The following DUSP23 variants were observed in gnomAD, a reference collection of about 807,000 sequenced individuals.
The protein encoded by DUSP23 is dual specificity protein phosphatase 23.
In DUSP23, 10 loss-of-function variants were observed where a neutral mutation model predicts 13.3. The observed-to-expected ratio is 0.75, with a 90% confidence interval of 0.46 to 1.27. The LOEUF (loss-of-function observed/expected upper bound fraction) is 1.27. DUSP23 is among the 50% of genes most tolerant of loss of function. The probability of loss-of-function intolerance (pLI) is 0.00; values close to 1 mark genes in which losing one functional copy is unlikely to be tolerated. For synonymous variants in DUSP23, 107 were observed against 95.3 expected, an observed-to-expected ratio of 1.12 and a Z score of -0.72; for missense variants, 228 against 204.8, an observed-to-expected ratio of 1.11 and a Z score of -0.69.
At chr1:159,781,973 C>G (rs1172095788) in intron 1 of DUSP23, among the ~76,000 whole-genome samples, 180 bp from the exon 2 acceptor site, 1 of 152,182 alleles carries the variant, frequency 6.6e-6, no homozygotes, top group African/African-American at 2.4e-5. Flanking sequence ...GTGGACAGCT[C>G]TTGAACCAGC....
At chr1:159,781,419 G>C in intron 1 of DUSP23, 52 bp downstream of exon 1, 1 of 1,446,054 alleles carries the variant, frequency 6.9e-7, no homozygotes, top group Non-Finnish European at 9.1e-7. Flanking sequence ...GGTCAGCGGG[G>C]GACACGGGCG....
In DUSP23 at chr1:159,782,452, A is replaced by C; in HGVS notation, c.*114A>C. On this transcript the variant is annotated 3_prime_UTR_variant, in exon 2 of 2. Coordinates refer to ENST00000368107, the MANE Select transcript of DUSP23 (RefSeq NM_001319658.2). ...TAAACCCTCTAGCTCCCATTGGCTG[A>C]AGACACTGAAGTAGCCCACCCCTGC... The C allele has an allele frequency of 3.2e-6, 4 of 1,258,630 alleles. No individual in the cohort carries two copies. The highest frequency in any genetic ancestry group is 4.4e-6 in the Non-Finnish European group (4 of 911,750). The allele number at this position is 1,258,630 out of a possible 1,614,324, so 78.0% of individuals were successfully genotyped here. A position where few individuals can be genotyped will look rare whatever the true frequency, so the allele number is the denominator to read the frequency against.
At position 159,781,077 on chromosome 1, in the gene DUSP23, G is replaced by C. The variant is rs1193425298; in HGVS notation, c.-24G>C. On this transcript the variant is annotated 5_prime_UTR_variant, in exon 1 of 2. Coordinates refer to ENST00000368107, the MANE Select transcript of DUSP23 (RefSeq NM_001319658.2). ...TGGCCAGCCTCGGCCCCCATGACCC[G>C]CTGTCCTGTGCCCTTTCCCAGCGAT... 1 of 1,532,440 alleles carries C rather than the reference G, an allele frequency of 6.5e-7. No individual in the cohort carries two copies. The highest frequency in any genetic ancestry group is 2.0e-5 in the Admixed American group (1 of 50,538). 94.9% of individuals were successfully genotyped at this position (1,532,440 alleles called of 1,614,324 possible). A position where few individuals can be genotyped will look rare whatever the true frequency, so the allele number is the denominator to read the frequency against.
In DUSP23 at chr1:159,782,318, T is replaced by C; in HGVS notation, c.433T>C (p.Phe145Leu). 1 of 1,613,108 alleles carries C rather than the reference T, an allele frequency of 6.2e-7. No homozygotes were observed. The highest frequency in any genetic ancestry group is 1.3e-5 in the African/African-American group (1 of 74,602). The change falls in exon 2 of 2, where the codon TTC becomes CTC. Residue 145 changes from phenylalanine to leucine, a missense_variant. Transcript: ENST00000368107. ...TYEQEKAVFQ[F>L]YQRTK ...TGAGCAGGAGAAAGCAGTCTTCCAG[T>C]TCTACCAGCGAACGAAATAAGGGGC...
rs771307415 is a variant in DUSP23 at position 159,782,292 on chromosome 1, A to G, written c.407A>G (p.Tyr136Cys). The change falls in exon 2 of 2, where the codon TAT becomes TGT. Residue 136 changes from tyrosine to cysteine, a missense_variant. Coordinates refer to ENST00000368107, the MANE Select transcript of DUSP23 (RefSeq NM_001319658.2). ...CTACGACCCGGCTCCATCGAGACCT[A>G]TGAGCAGGAGAAAGCAGTCTTCCAG... ...RRLRPGSIET[Y>C]EQEKAVFQFY... is the part of the protein sequence containing the mutation. The G allele has an allele frequency of 1.9e-6, 3 of 1,614,080 alleles. No individual in the cohort carries two copies. The highest frequency in any genetic ancestry group is 2.5e-6 in the Non-Finnish European group (3 of 1,180,006).
At position 159,781,145 on chromosome 1, in the gene DUSP23, G is replaced by T. The variant is rs778641124; in HGVS notation, c.45G>T (p.Arg15=). 3 of 1,548,754 alleles carry T rather than the reference G, an allele frequency of 1.9e-6. No individual in the cohort carries two copies. The East Asian group carries it at 7.3e-5, about 38-fold the overall frequency. The change falls in exon 1 of 2, where the codon CGG becomes CGT. Residue 15 remains arginine (R), a synonymous_variant. Transcript: ENST00000368107. ...PPNFSWVLPG[R]LAGLALPRLP... ...ACTTCTCCTGGGTGCTTCCGGGCCG[G>T]CTGGCGGGACTGGCGCTGCCGCGGC...
In DUSP23 at chr1:159,782,318, T is replaced by G. The variant is rs926446053; in HGVS notation, c.433T>G (p.Phe145Val). The change falls in exon 2 of 2, where the codon TTC (phenylalanine) becomes GTC (valine). Residue 145 changes from phenylalanine to valine, a missense_variant. Phe to Val is a conservative substitution (Grantham distance 50, BLOSUM62 -1). Coordinates refer to ENST00000368107, the MANE Select transcript of DUSP23 (RefSeq NM_001319658.2). ...TYEQEKAVFQ[F>V]YQRTK ...TGAGCAGGAGAAAGCAGTCTTCCAG[T>G]TCTACCAGCGAACGAAATAAGGGGC... 6.2e-7 allele frequency: 1 copy of G among 1,612,990 alleles called. No homozygotes were observed. Among genetic ancestry groups the G allele is most frequent in the Non-Finnish European group, 8.5e-7 (1 of 1,179,876 alleles).
At position 159,782,170 on chromosome 1, in the gene DUSP23, T is replaced by C. The variant is rs144974677; in HGVS notation, c.285T>C (p.Cys95=). 7 of 1,614,018 alleles carry C rather than the reference T, an allele frequency of 4.3e-6. No individual in the cohort carries two copies. The African/African-American group carries it at 9.3e-5, about 22-fold the overall frequency. ...NARGEAVGVH[C]ALGFGRTGTM... ...CTTCGTAGGCTGTGGGAGTGCACTG[T>C]GCTCTGGGCTTTGGCCGCACTGGCA... The change falls in exon 2 of 2, where the codon TGT becomes TGC. Residue 95 remains cysteine, a synonymous_variant. Transcript: ENST00000368107.
Position 159,781,165 on chromosome 1 carries a change from C to G in DUSP23, c.65C>G (p.Pro22Arg). Reference protein sequence around the residue: ...LPGRLAGLALPRLPAHYQFLL... With the variant: ...LPGRLAGLALRRLPAHYQFLL... ...GGCCGGCTGGCGGGACTGGCGCTGC[C>G]GCGGCTCCCCGCCCACTACCAGTTC... The change falls in exon 1 of 2, where the codon CCG becomes CGG. Residue 22 changes from proline (P) to arginine (R), a missense_variant. By Grantham distance (103) the Pro-to-Arg change is moderately radical (BLOSUM62 -2). Coordinates refer to ENST00000368107, the MANE Select transcript of DUSP23 (RefSeq NM_001319658.2). 2 of 1,549,034 alleles carry G rather than the reference C, an allele frequency of 1.3e-6. No individual in the cohort carries two copies. Among genetic ancestry groups the G allele is most frequent in the Non-Finnish European group, 1.7e-6 (2 of 1,146,536 alleles).
rs1006126451 is a variant in DUSP23 at position 159,781,024 on chromosome 1, G to A, written c.-77G>A. On this transcript the variant is annotated 5_prime_UTR_variant, in exon 1 of 2. Transcript: ENST00000368107. ...TGGTGAGTTACTTGGCTCGGAGCGG[G>A]CGAGGGGACGCGTGGGCGGAGCGGG... 5.5e-6 allele frequency: 8 copies of A among 1,454,850 alleles called. No homozygotes were observed. The highest frequency in any genetic ancestry group is 4.4e-5 in the African/African-American group (3 of 68,640). The allele number at this position is 1,454,850 out of a possible 1,614,324, so 90.1% of individuals were successfully genotyped here. A position where few individuals can be genotyped will look rare whatever the true frequency, so the allele number is the denominator to read the frequency against.
Position 159,781,347 on chromosome 1 carries a change from G to GT in DUSP23, c.247_248insT (p.Glu83ValfsTer42). 6.5e-7 allele frequency: 1 copy of GT among 1,530,248 alleles called. No homozygotes were observed. The highest frequency in any genetic ancestry group is 8.8e-7 in the Non-Finnish European group (1 of 1,136,726). The allele number at this position is 1,530,248 out of a possible 1,614,324, so 94.8% of individuals were successfully genotyped here. On this transcript the variant is annotated frameshift_variant, in exon 1 of 2. Coordinates refer to ENST00000368107, the MANE Select transcript of DUSP23 (RefSeq NM_001319658.2). LOFTEE classifies it high-confidence loss of function. ...CGACCGCTTCGTGCAGATCGTGGAC[G>GT]AGGCCAACGCACGGGGAGAGGTCAG... is the stretch of plus-strand genomic sequence containing the variant.
chr1:159,781,803 A>G (rs949252993), intron 1 of DUSP23, among the ~76,000 whole-genome samples: 1 of 152,222 alleles, frequency 6.6e-6, no homozygotes, highest in African/African-American at 2.4e-5. Flanking sequence ...GGTGATCTTA[A>G]TGAGATATTT....
In DUSP23 at chr1:159,781,249, G is replaced by C. The variant is rs201309161; in HGVS notation, c.149G>C (p.Ser50Thr). The change falls in exon 1 of 2, where the codon AGC becomes ACC. Residue 50 changes from serine to threonine, a missense_variant. Ser to Thr is a moderately conservative substitution (Grantham distance 58). Coordinates refer to ENST00000368107, the MANE Select transcript of DUSP23 (RefSeq NM_001319658.2). ...VSLTERGPPH[S>T]DSCPGLTLHR... ...CTGACGGAGCGCGGGCCCCCTCACA[G>C]CGACAGCTGCCCCGGCCTCACCCTG... 87 of 1,548,988 alleles carry C rather than the reference G, an allele frequency of 5.6e-5. No individual in the cohort carries two copies. In the East Asian group the frequency reaches 9.8e-4, roughly 17 times the overall value.
chr1:159,781,427 G>A, intron 1 of DUSP23, 60 bp downstream of exon 1: 2 of 1,445,054 alleles, frequency 1.4e-6, no homozygotes, highest in East Asian at 5.2e-5. Flanking sequence ...GGGGACACGG[G>A]CGGAGCTGGG....
chr1:159,781,322 C>T lies in DUSP23; in HGVS notation c.222C>T (p.Ile74=), dbSNP rs1180291828. 6.5e-6 allele frequency: 10 copies of T among 1,544,488 alleles called. No individual in the cohort carries two copies. In the South Asian group the frequency reaches 1.1e-4, roughly 17 times the overall value. Residue 74 remains isoleucine (I), a synonymous_variant, in exon 1 of 2, where the codon ATC becomes ATT. Transcript: ENST00000368107. The stretch of plus-strand genomic sequence containing the variant: ...TCTGCCCGCCGGCCCCCGACCAGAT[C>T]GACCGCTTCGTGCAGATCGTGGACG... ...PDFCPPAPDQ[I]DRFVQIVDEA... is the part of the protein sequence containing the mutation.
rs556134278 is a variant in DUSP23 at position 159,781,173 on chromosome 1, C to G, written c.73C>G (p.Pro25Ala). Residue 25 changes from proline to alanine, a missense_variant, in exon 1 of 2, where the codon CCC (proline) becomes GCC (alanine). Physicochemically the swap from Pro to Ala is conservative, Grantham distance 27. Transcript: ENST00000368107. ...RLAGLALPRL[P>A]AHYQFLLDLG... ...GGCGGGACTGGCGCTGCCGCGGCTCCCCGCCCACTACCAGTTCCTGTTGGA... is the reference window on the plus strand; with the variant it reads ...GGCGGGACTGGCGCTGCCGCGGCTCGCCGCCCACTACCAGTTCCTGTTGGA... 1 of 1,549,202 alleles carries G rather than the reference C, an allele frequency of 6.5e-7. No homozygotes were observed. Among genetic ancestry groups the G allele is most frequent in the African/African-American group, 1.4e-5 (1 of 73,080 alleles).
Position 159,781,199 on chromosome 1 carries a change from C to A in DUSP23, c.99C>A (p.Asp33Glu), listed in dbSNP as rs1255449064. The change falls in exon 1 of 2, where the codon GAC becomes GAA. Residue 33 changes from aspartate to glutamate, a missense_variant. By Grantham distance (45) the Asp-to-Glu change is conservative. Coordinates refer to ENST00000368107, the MANE Select transcript of DUSP23 (RefSeq NM_001319658.2). ...CCGCCCACTACCAGTTCCTGTTGGACCTGGGCGTGCGGCACCTGGTGTCCC... is the reference window on the plus strand; with the variant it reads ...CCGCCCACTACCAGTTCCTGTTGGAACTGGGCGTGCGGCACCTGGTGTCCC... ...RLPAHYQFLL[D>E]LGVRHLVSLT... 1 of 1,549,482 alleles carries A rather than the reference C, an allele frequency of 6.5e-7. No homozygotes were observed. Among genetic ancestry groups the A allele is most frequent in the Admixed American group, 2.0e-5 (1 of 50,956 alleles).
Position 159,781,213 on chromosome 1 carries a change from A to G in DUSP23, c.113A>G (p.His38Arg). The change falls in exon 1 of 2, where the codon CAC becomes CGC. Residue 38 changes from histidine to arginine, a missense_variant. Transcript: ENST00000368107. ...TTCCTGTTGGACCTGGGCGTGCGGC[A>G]CCTGGTGTCCCTGACGGAGCGCGGG... ...YQFLLDLGVR[H>R]LVSLTERGPP... is the part of the protein sequence containing the mutation. 6.5e-7 allele frequency: 1 copy of G among 1,549,504 alleles called. No individual in the cohort carries two copies. The highest frequency in any genetic ancestry group is 8.7e-7 in the Non-Finnish European group (1 of 1,146,494).
rs763321584 is a variant in DUSP23, at chr1:159,782,229, G to T, written c.344G>T (p.Gly115Val). Residue 115 changes from glycine to valine, a missense_variant, in exon 2 of 2, where the codon GGC (glycine) becomes GTC (valine). Physicochemically the swap from Gly to Val is moderately radical, Grantham distance 109 (BLOSUM62 -3). Coordinates refer to ENST00000368107, the MANE Select transcript of DUSP23 (RefSeq NM_001319658.2). The part of the protein sequence containing the change: ...MLACYLVKER[G>V]LAAGDAIAEI... ...GCCTGTTACCTGGTGAAGGAGCGGG[G>T]CTTGGCTGCAGGAGATGCCATTGCT... 4.3e-6 allele frequency: 7 copies of T among 1,614,170 alleles called. No individual in the cohort carries two copies. Among genetic ancestry groups the T allele is most frequent in the Non-Finnish European group, 5.9e-6 (7 of 1,180,038 alleles).
Sources: allele counts gnomAD v4.1 joint callset (sites outside exome capture counted in the v4.1 genomes callset), GRCh38; gene constraint gnomAD v4.1.1; transcripts MANE v1.5; gene names NCBI Gene and HGNC (gene_info 2026-07-23, HGNC 2026-07-21).